Variants in MMP16 observed in about 807,000 individuals in gnomAD.
MMP16 encodes matrix metalloproteinase-16.
A neutral mutation model predicts 67.8 loss-of-function variants in MMP16; 12 were observed. The observed-to-expected ratio is 0.18, with a 90% CI of 0.11 to 0.29. The LOEUF is 0.29. Ranked by LOEUF, MMP16 falls within the 10% of genes least tolerant of loss-of-function variation. The probability of loss-of-function intolerance (pLI) is 1.00; values close to 1 mark genes in which losing one functional copy is unlikely to be tolerated. For synonymous variants in MMP16, 249 were observed against 255.9 expected, an observed-to-expected ratio of 0.97 and a Z score of 0.26; for missense variants, 475 against 765.7, an observed-to-expected ratio of 0.62 and a Z score of 4.48.
At chr8:88,272,105 T>C (rs1810573105) in intron 1 of MMP16, among the ~76,000 whole-genome samples, 1 of 152,136 alleles carries the variant, frequency 6.6e-6, no homozygotes, top group African/African-American at 2.4e-5. Flanking sequence ...CAGTTAAATG[T>C]GCATGTCCAT....
At chr8:88,317,867 G>C (rs1811398544) in intron 1 of MMP16, among the ~76,000 whole-genome samples, 1 of 152,042 alleles carries the variant, frequency 6.6e-6, no homozygotes, top group African/African-American at 2.4e-5. Flanking sequence ...CAGCCAACAG[G>C]CCTATTCTCA....
chr8:88,082,482 T>C (rs1305944709), intron 6 of MMP16, among the ~76,000 whole-genome samples: 3 of 152,112 alleles, frequency 2.0e-5, no homozygotes, highest in South Asian at 4.1e-4. Context: ...CAAAATCATA[T>C]GATATACTAT....
chr8:88,119,903 T>G (rs1226821507), intron 4 of MMP16, among the ~76,000 whole-genome samples: 4 of 152,056 alleles, frequency 2.6e-5, no homozygotes. Flanking sequence ...ATCATTTCTA[T>G]GAAAACTCCT....
Position 88,121,261 on chromosome 8 carries a change from G to T in MMP16, c.710-2400C>A, listed in dbSNP as rs138403176. On this transcript the variant is annotated intron_variant, in intron 4 of 9. Transcript: ENST00000286614. ...AGTCATTCCTTGTCTCAGGAATAAA[G>T]TAAGGCTTTAGAAGAAAATTAATAG... Among the ~76,000 whole-genome samples, 14 of 152,014 alleles carry T rather than the reference G, an allele frequency of 9.2e-5. 1 individual carries two copies. The East Asian group carries it at 2.7e-3, about 30-fold the overall frequency.
At chr8:88,161,084 C>T (rs1337410799) in intron 4 of MMP16, among the ~76,000 whole-genome samples, 6 of 152,132 alleles carry the variant, frequency 3.9e-5, no homozygotes, top group Admixed American at 3.9e-4. Flanking sequence ...GGAGGATTCC[C>T]TCTTTTTCTA....
At chr8:88,190,866 T>C (rs1353599435) in intron 2 of MMP16, among the ~76,000 whole-genome samples, 8 of 152,154 alleles carry the variant, frequency 5.3e-5, no homozygotes, top group Admixed American at 1.3e-4. Flanking sequence ...ATAGTTACTT[T>C]TTCAGTGTGT....
intron 1 of MMP16, among the ~76,000 whole-genome samples, chr8:88,315,543 T>C (rs1278822711): frequency 6.6e-6 from 1 of 152,166 alleles, no homozygotes; most frequent in Non-Finnish European, 1.5e-5. Context: ...CTGATGTTAG[T>C]ATTGTAATTG....
intron 1 of MMP16, among the ~76,000 whole-genome samples, chr8:88,232,511 A>G (rs1809877603): frequency 6.6e-6 from 1 of 152,206 alleles, no homozygotes. Flanking sequence ...CATAAAGAAC[A>G]GGATTAGATT....
chr8:88,123,524 C>G (rs1032225857), intron 4 of MMP16, among the ~76,000 whole-genome samples: 1 of 151,408 alleles, frequency 6.6e-6, no homozygotes, highest in Non-Finnish European at 1.5e-5. Flanking sequence ...TGGTTCCTGC[C>G]AGAGAACCAG....
chr8:88,243,416 C>T (rs754213750), intron 1 of MMP16, among the ~76,000 whole-genome samples: 14 of 152,166 alleles, frequency 9.2e-5, no homozygotes, highest in Non-Finnish European at 1.6e-4. Context: ...CTGGTCCCCA[C>T]ATCACTGCCT....
rs2118282918 is a variant in MMP16 at position 88,074,807 on chromosome 8, A to G, written c.1084-64T>C. On this transcript the variant is annotated intron_variant, in intron 6 of 9. Coordinates refer to ENST00000286614, the MANE Select transcript of MMP16 (RefSeq NM_005941.5). Reference sequence around the variant, plus strand: ...GGCCTCCCTGGCATTTCACGGCGCAATGGCTGGACGCTTTTGAAATCAAGC... The same window carrying G: ...GGCCTCCCTGGCATTTCACGGCGCAGTGGCTGGACGCTTTTGAAATCAAGC... 7.1e-6 allele frequency: 11 copies of G among 1,558,246 alleles called. No homozygotes were observed. The South Asian group carries it at 9.4e-5, about 13-fold the overall frequency.
chr8:88,227,481 T>C (rs751404394), intron 1 of MMP16, among the ~76,000 whole-genome samples: 8 of 152,068 alleles, frequency 5.3e-5, no homozygotes, highest in Non-Finnish European at 1.2e-4. Context: ...AAAATAACCC[T>C]GTCATCAACA....
chr8:88,059,934 G>A lies in MMP16; in HGVS notation c.1223-3656C>T, dbSNP rs1046221353. On this transcript the variant is annotated intron_variant, in intron 7 of 9. Transcript: ENST00000286614. ...AGGAAGCAGATATTAAGAGGAGGCA[G>A]AAATTGAATAAAAGAGATGGACTGA... Among the ~76,000 whole-genome samples, 36 of 150,244 alleles carry A rather than the reference G, an allele frequency of 2.4e-4. 1 individual carries two copies. Among genetic ancestry groups the A allele is most frequent in the South Asian group, 2.1e-4 (1 of 4,764 alleles).
Position 88,041,513 on chromosome 8 carries a change from C to A in MMP16, c.1772G>T (p.Gly591Val). ...VYTVFQFKRK[G>V]TPRHILYCKR... The stretch of plus-strand genomic sequence containing the variant: ...ACAGTACAGTATGTGGCGGGGTGTT[C>A]CTTTCCTCTTGAACTGGAACACAGT... Residue 591 changes from glycine (G) to valine (V), a missense_variant, in exon 10 of 10, where the codon GGA becomes GTA. This residue lies in a region of MMP16 where 80 missense variants were observed against 93.4 expected (regional missense o/e 0.86). Transcript: ENST00000286614. The surrounding 1 kb of genome is among the most constrained non-coding windows in gnomAD (Gnocchi z 6.0). The A allele has an allele frequency of 6.2e-7, 1 of 1,612,376 alleles. No homozygotes were observed.
At chr8:88,182,616 A>C (rs1188362082) in intron 3 of MMP16, among the ~76,000 whole-genome samples, 2 of 152,172 alleles carry the variant, frequency 1.3e-5, no homozygotes, top group South Asian at 4.1e-4. Flanking sequence ...GTAATAATGC[A>C]AAATGGCATA....
At chr8:88,283,723 T>A (rs1519930) in intron 1 of MMP16, among the ~76,000 whole-genome samples, 2 of 151,926 alleles carry the variant, frequency 1.3e-5, no homozygotes, top group Non-Finnish European at 1.5e-5. Context: ...TTTAAAATTT[T>A]TTATTAATAA....
intron 1 of MMP16, among the ~76,000 whole-genome samples, chr8:88,314,494 G>C (rs1811347459): frequency 6.6e-6 from 1 of 152,166 alleles, no homozygotes; most frequent in Non-Finnish European, 1.5e-5. Context: ...ACTGAGCTTT[G>C]TTGTGAAATC....
At chr8:88,174,977 C>T (rs2129721859) in intron 3 of MMP16, among the ~76,000 whole-genome samples, 1 of 152,230 alleles carries the variant, frequency 6.6e-6, no homozygotes. Flanking sequence ...TGGTCTCGAA[C>T]TCCTGACCTC....
At chr8:88,187,597 A>G (rs1391180195) in intron 2 of MMP16, among the ~76,000 whole-genome samples, 3 of 152,190 alleles carry the variant, frequency 2.0e-5, no homozygotes, top group Non-Finnish European at 4.4e-5. Context: ...TTTAAATGGA[A>G]AAGGAGTGAT....
Sources: allele counts gnomAD v4.1 joint callset (sites outside exome capture counted in the v4.1 genomes callset), GRCh38; gene constraint gnomAD v4.1.1; regional missense constraint gnomAD v4.1.1; non-coding constraint Gnocchi (gnomAD v3.1); transcripts MANE v1.5; gene names NCBI Gene and HGNC (gene_info 2026-07-23, HGNC 2026-07-21).